STK33: variants seen among roughly 807,000 people sequenced by gnomAD.
STK33 encodes the protein serine/threonine-protein kinase 33.
A neutral mutation model predicts 58.0 loss-of-function variants in STK33; 52 were observed. The observed-to-expected ratio is 0.90, with a 90% CI of 0.72 to 1.13. The LOEUF (loss-of-function observed/expected upper bound fraction) is 1.13, where lower values mean the gene tolerates loss of function less well. Ranked by LOEUF, STK33 falls within the 50% of genes most tolerant of loss-of-function variation. The probability of loss-of-function intolerance (pLI) is 0.00; values close to 1 mark genes in which losing one functional copy is unlikely to be tolerated. For synonymous variants in STK33, 215 were observed against 200.1 expected, an observed-to-expected ratio of 1.07 and a Z score of -0.63; for missense variants, 630 against 604.2, an observed-to-expected ratio of 1.04 and a Z score of -0.45.
chr11:8,501,525 T>C (rs927495691), intron 1 of STK33, among the ~76,000 whole-genome samples: 5 of 151,896 alleles, frequency 3.3e-5, no homozygotes, highest in Non-Finnish European at 5.9e-5. Flanking sequence ...AAAAAACAAA[T>C]AAAATAAAAT....
intron 14 of STK33, among the ~76,000 whole-genome samples, chr11:8,414,836 C>T (rs12224971): frequency 0.059 from 8,920 of 152,202 alleles, 453 homozygotes; most frequent in East Asian, 0.27. Flanking sequence ...AATGCCATTG[C>T]CATTTCTTCC....
chr11:8,412,143 A>G (rs141914238), intron 15 of STK33, among the ~76,000 whole-genome samples: 1 of 152,316 alleles, frequency 6.6e-6, no homozygotes, highest in East Asian at 1.9e-4. Flanking sequence ...AGAATATGTG[A>G]GTATATGTGT....
chr11:8,582,646 G>T (rs1010257747), intron 1 of STK33, among the ~76,000 whole-genome samples: 1 of 152,130 alleles, frequency 6.6e-6, no homozygotes, highest in Admixed American at 6.6e-5. Context: ...TGGGGATTAT[G>T]GGAATTACAA....
chr11:8,430,434 C>G (rs376965962), intron 14 of STK33, among the ~76,000 whole-genome samples: 3 of 151,960 alleles, frequency 2.0e-5, no homozygotes, highest in African/African-American at 7.3e-5. Flanking sequence ...CTGGGCCACA[C>G]TGGAAGAAGA....
chr11:8,498,097 C>A (rs949404857), intron 1 of STK33, among the ~76,000 whole-genome samples: 1 of 151,962 alleles, frequency 6.6e-6, no homozygotes, highest in African/African-American at 2.4e-5. Context: ...ATGCAATAAT[C>A]CAACACATTA....
intron 11 of STK33, among the ~76,000 whole-genome samples, chr11:8,450,803 G>T (rs1292520318): frequency 6.6e-6 from 1 of 152,072 alleles, no homozygotes; most frequent in Non-Finnish European, 1.5e-5. Context: ...AATGTGCAAG[G>T]ATGGTTCAAC....
intron 1 of STK33, among the ~76,000 whole-genome samples, chr11:8,542,475 A>C (rs1336972548): frequency 2.6e-5 from 4 of 152,198 alleles, no homozygotes; most frequent in Non-Finnish European, 1.5e-5. Context: ...GTCTGGGAAC[A>C]TCTTTCGTTG....
the STK33 span, among the ~76,000 whole-genome samples, chr11:8,364,104 A>T: frequency 0.79 from 120,308 of 152,092 alleles, 47,932 homozygotes; most frequent in Middle Eastern, 0.93. Flanking sequence ...GAGCGTCACT[A>T]TCTCTGGGGC....
At chr11:8,369,161 G>T in the STK33 span, among the ~76,000 whole-genome samples, 4 of 152,180 alleles carry the variant, frequency 2.6e-5, no homozygotes, top group African/African-American at 9.7e-5. Flanking sequence ...CATATTCATT[G>T]AGAGAGAAAG....
intron 15 of STK33, among the ~76,000 whole-genome samples, chr11:8,395,026 A>G (rs903848422): frequency 6.6e-6 from 1 of 152,218 alleles, no homozygotes; most frequent in Non-Finnish European, 1.5e-5. Flanking sequence ...GAGAGATTTT[A>G]TGCATCTTCA....
chr11:8,571,188 G>A (rs527530313), intron 1 of STK33, among the ~76,000 whole-genome samples: 18 of 152,142 alleles, frequency 1.2e-4, no homozygotes, highest in Non-Finnish European at 2.2e-4. Context: ...GACAGCTTCC[G>A]AAATCTGCAG....
At position 8,439,869 on chromosome 11, in the gene STK33, T is replaced by TTATATATATA. The variant is rs551629890; in HGVS notation, c.947+799_947+808dup. ...AGATTACATATATATTATATTATAA[T>TTATATATATA]TATATATATATATATATCAGAGGCT... On this transcript the variant is annotated intron_variant, in intron 12 of 15. Coordinates refer to ENST00000687296, the MANE Select transcript of STK33 (RefSeq NM_001352389.2). Among the ~76,000 whole-genome samples, 225 of 107,248 alleles carry TTATATATATA rather than the reference T, an allele frequency of 2.1e-3. 10 individuals carry two copies. Among genetic ancestry groups the TTATATATATA allele is most frequent in the East Asian group, 3.8e-3 (12 of 3,176 alleles). The allele number at this position is 107,248 out of a possible 152,430, so 70.4% of individuals were successfully genotyped here.
chr11:8,463,457 G>C (rs1266951228), intron 7 of STK33, among the ~76,000 whole-genome samples: 1 of 152,132 alleles, frequency 6.6e-6, no homozygotes, highest in Non-Finnish European at 1.5e-5. Context: ...CTCATCTCCT[G>C]GTGTGCAGCC....
chr11:8,354,730 TGAGGA>T, the STK33 span, among the ~76,000 whole-genome samples: 1 of 152,218 alleles, frequency 6.6e-6, no homozygotes, highest in African/African-American at 2.4e-5. Context: ...CTGAGCTCCC[TGAGGA>T]GCAGCAGCTG....
intron 1 of STK33, among the ~76,000 whole-genome samples, chr11:8,563,162 C>A (rs1161214181): frequency 1.3e-5 from 2 of 152,102 alleles, no homozygotes; most frequent in East Asian, 3.9e-4. Flanking sequence ...TAGGGCCTTC[C>A]TTGGGCATAC....
At chr11:8,350,749 G>A in the STK33 span, among the ~76,000 whole-genome samples, 12 of 152,268 alleles carry the variant, frequency 7.9e-5, no homozygotes, top group South Asian at 2.3e-3. Context: ...TGGCAGGTGT[G>A]GGCTGGTATG....
the STK33 span, among the ~76,000 whole-genome samples, chr11:8,338,729 G>A: frequency 4.6e-5 from 7 of 152,134 alleles, no homozygotes; most frequent in African/African-American, 7.2e-5. Context: ...CATCTGCAAC[G>A]TGGAAAAGGT....
intron 1 of STK33, among the ~76,000 whole-genome samples, chr11:8,545,546 T>A: frequency 6.6e-6 from 1 of 152,230 alleles, no homozygotes; most frequent in Non-Finnish European, 1.5e-5. Context: ...TACTAAGTAC[T>A]CTTTAAGGGC....
chr11:8,423,764 T>C (rs1351665556), intron 14 of STK33, among the ~76,000 whole-genome samples: 1 of 152,030 alleles, frequency 6.6e-6, no homozygotes, highest in Non-Finnish European at 1.5e-5. Flanking sequence ...TTTTGTTTCT[T>C]TGTTTCATAT....
Sources: gnomAD v4.1 joint callset for allele counts (sites outside exome capture counted in the v4.1 genomes callset) on GRCh38, gnomAD v4.1.1 for gene constraint, MANE v1.5 for transcripts, NCBI Gene and HGNC (gene_info 2026-07-23, HGNC 2026-07-21) for gene names.